Variants in UFSP2 observed in about 807,000 individuals in gnomAD.
UFSP2 encodes ufm1-specific protease 2.
UFSP2 carries 43 observed loss-of-function variants against 60.2 expected under a neutral mutation model. The ratio of observed to expected loss-of-function variants is 0.71; its 90% CI spans 0.56 to 0.92. The LOEUF (loss-of-function observed/expected upper bound fraction) is 0.92, where lower values mean the gene tolerates loss of function less well. Among genes scored for constraint, UFSP2 ranks in the 40% least tolerant of loss-of-function variants. UFSP2 has a pLI of 0.00. For missense variants in UFSP2, 520 were observed against 575.0 expected (o/e 0.90, Z 0.98); for synonymous variants, 183 against 195.1 (o/e 0.94, Z 0.52).
chr4:185,412,770 TGA>T (rs1193115931), intron 7 of UFSP2, among the ~76,000 whole-genome samples: 1 of 151,890 alleles, frequency 6.6e-6, no homozygotes, highest in Admixed American at 6.6e-5. Flanking sequence ...ACGGAGTCCT[TGA>T]GAGAGACTGA....
At chr4:185,425,646 C>T (rs963660467) in intron 1 of UFSP2, among the ~76,000 whole-genome samples, 9 of 152,226 alleles carry the variant, frequency 5.9e-5, no homozygotes, top group African/African-American at 2.2e-4. Flanking sequence ...GGGTGCGTGT[C>T]CAAGGTGGCC....
chr4:185,418,887 A>T (rs1411619564), intron 2 of UFSP2, 117 bp from the exon 3 acceptor site: 4 of 782,722 alleles, frequency 5.1e-6, no homozygotes, highest in Non-Finnish European at 7.4e-6. Context: ...CCCCATATTC[A>T]ATAATAATTT....
At chr4:185,404,302 T>G (rs1465484546) in intron 10 of UFSP2, among the ~76,000 whole-genome samples, 3 of 145,114 alleles carry the variant, frequency 2.1e-5, no homozygotes, top group Admixed American at 6.9e-5. Flanking sequence ...AGTTTTTTTT[T>G]TTTTTTTTTT....
intron 7 of UFSP2, among the ~76,000 whole-genome samples, chr4:185,410,197 A>ATT (rs1350523090): frequency 6.6e-6 from 1 of 152,208 alleles, no homozygotes; most frequent in African/African-American, 2.4e-5. Flanking sequence ...ATATTTGGAC[A>ATT]TTAACAAACA....
chr4:185,405,903 G>T, intron 9 of UFSP2, 47 bp from the exon 10 acceptor site: 1 of 1,613,188 alleles, frequency 6.2e-7, no homozygotes. Flanking sequence ...CCAACACTAC[G>T]GTCAAATAAT....
At chr4:185,410,489 A>C (rs1365998577) in intron 7 of UFSP2, among the ~76,000 whole-genome samples, 1 of 151,906 alleles carries the variant, frequency 6.6e-6, no homozygotes, top group Non-Finnish European at 1.5e-5. Context: ...TCTCTACTAA[A>C]AATACAAAAA....
At chr4:185,405,055 G>A (rs544166096) in intron 10 of UFSP2, among the ~76,000 whole-genome samples, 1 of 144,596 alleles carries the variant, frequency 6.9e-6, no homozygotes, top group Non-Finnish European at 1.5e-5. Context: ...AACCCAGGCT[G>A]GAGAGCAGTG....
chr4:185,425,890 C>T lies in UFSP2; in HGVS notation c.-22G>A, dbSNP rs550436163. 4 of 1,596,188 alleles carry T rather than the reference C, an allele frequency of 2.5e-6. No homozygotes were observed. Among genetic ancestry groups the T allele is most frequent in the South Asian group, 2.3e-5 (2 of 88,374 alleles). On this transcript the variant is annotated 5_prime_UTR_variant, in exon 1 of 12. In the 5' UTR this introduces an upstream ATG that the reference lacks. Coordinates refer to ENST00000264689, the MANE Select transcript of UFSP2 (RefSeq NM_018359.5). ...CCATGTCCGCGACGTGGCGGTGACA[C>T]GGGCGCTGACGCCTGCCCAAAAGTT...
chr4:185,408,290 G>A lies in UFSP2; in HGVS notation c.977C>T (p.Thr326Ile). ...HQGYTERSIP[T>I]HREIQQALVD... ...CTGTACCTGCTGAATTTCTCTGTGT[G>A]TTGGAATGGACCTCTCTGTGTATCC... The change falls in exon 8 of 12, where the codon ACA becomes ATA. Residue 326 changes from threonine (T) to isoleucine (I), a missense_variant. By Grantham distance (89) the Thr-to-Ile change is moderately conservative (BLOSUM62 -1). Transcript: ENST00000264689. 3 of 1,614,118 alleles carry A rather than the reference G, an allele frequency of 1.9e-6. No individual in the cohort carries two copies. Among genetic ancestry groups the A allele is most frequent in the Non-Finnish European group, 2.5e-6 (3 of 1,179,980 alleles).
chr4:185,417,659 T>C (rs533512772), intron 4 of UFSP2, among the ~76,000 whole-genome samples: 1 of 152,308 alleles, frequency 6.6e-6, no homozygotes, highest in Non-Finnish European at 1.5e-5. Flanking sequence ...TCATACAACT[T>C]CGTGCCTTGA....
At chr4:185,402,794 TA>T (rs2095514893) in intron 11 of UFSP2, among the ~76,000 whole-genome samples, 1 of 152,188 alleles carries the variant, frequency 6.6e-6, no homozygotes, top group South Asian at 2.1e-4. Flanking sequence ...TTTAACATAT[TA>T]AAACATTTTA....
At chr4:185,417,979 A>C (rs2095541872) in intron 4 of UFSP2, among the ~76,000 whole-genome samples, 1 of 150,564 alleles carries the variant, frequency 6.6e-6, no homozygotes, top group South Asian at 2.1e-4. Context: ...GGGAGGCGGA[A>C]GTTGCAGTGA....
chr4:185,400,559 C>A, intron 11 of UFSP2, 81 bp from the exon 12 acceptor site: 2 of 1,009,704 alleles, frequency 2.0e-6, no homozygotes, highest in South Asian at 1.5e-5. Context: ...CAGGCTCTGT[C>A]AGCAGGACCT....
Position 185,399,703 on chromosome 4 carries a change from T to C in UFSP2, c.*689A>G, listed in dbSNP as rs200765948. The C allele has an allele frequency of 9.1e-5, 147 of 1,614,010 alleles. No individual in the cohort carries two copies. Among genetic ancestry groups the C allele is most frequent in the Non-Finnish European group, 1.2e-4 (139 of 1,180,014 alleles). The stretch of plus-strand genomic sequence containing the variant: ...AAGTGAACACCCTGACAGGAATGAT[T>C]GTGTTGCCGTGCTCAGACAGAAACG... On this transcript the variant is annotated 3_prime_UTR_variant, in exon 12 of 12. Transcript: ENST00000264689.
rs180866189 is a variant in UFSP2, at chr4:185,424,689, T to A, written c.3+1177A>T. ...GAATACTACCAAACAAACTAGTATG[T>A]ACCCATTTAAATAAAAAATATTTAA... is the stretch of plus-strand genomic sequence containing the variant. On this transcript the variant is annotated intron_variant, in intron 1 of 11. Coordinates refer to ENST00000264689, the MANE Select transcript of UFSP2 (RefSeq NM_018359.5). Among the ~76,000 whole-genome samples the A allele has an allele frequency of 4.6e-4, 70 of 152,344 alleles. 1 individual carries two copies. The highest frequency in any genetic ancestry group is 3.3e-3 in the Admixed American group (51 of 15,312).
chr4:185,401,166 G>C (rs1201255588), intron 11 of UFSP2, among the ~76,000 whole-genome samples: 1 of 152,146 alleles, frequency 6.6e-6, no homozygotes, highest in Non-Finnish European at 1.5e-5. Context: ...AGGAGGCTGA[G>C]ACTCTGAAAA....
At chr4:185,418,331 C>T (rs1258915457) in intron 4 of UFSP2, 110 bp downstream of exon 4, 1 of 798,884 alleles carries the variant, frequency 1.3e-6, no homozygotes, top group East Asian at 2.7e-5. Context: ...TTTTGGACAT[C>T]AATATTCTGA....
chr4:185,422,887 TCTCA>T (rs1161707625), intron 1 of UFSP2, among the ~76,000 whole-genome samples: 1 of 54,804 alleles, frequency 1.8e-5, no homozygotes, highest in Non-Finnish European at 3.6e-5. Flanking sequence ...GGAGACAGGG[TCTCA>T]CTCTGTCACA....
chr4:185,408,530 T>TA, intron 7 of UFSP2, 95 bp from the exon 8 acceptor site: 2 of 1,275,052 alleles, frequency 1.6e-6, no homozygotes, highest in South Asian at 2.8e-5. Context: ...TTCTTAGAGT[T>TA]AGACTGTTAC....
Sources: gnomAD v4.1 joint callset for allele counts (sites outside exome capture counted in the v4.1 genomes callset) on GRCh38, gnomAD v4.1.1 for gene constraint, MANE v1.5 for transcripts, NCBI Gene and HGNC (gene_info 2026-07-23, HGNC 2026-07-21) for gene names.